PSG3: variants seen among roughly 807,000 people sequenced by gnomAD.
PSG3 encodes pregnancy specific beta-1-glycoprotein 3.
A neutral mutation model predicts 47.5 loss-of-function variants in PSG3; 61 were observed. The observed-to-expected ratio is 1.28, with a 90% CI of 1.05 to 1.59. PSG3 has a LOEUF of 1.59. PSG3 is among the 40% of genes most tolerant of loss of function. The pLI is 0.00. For missense variants in PSG3, 756 were observed against 524.0 expected (o/e 1.44, Z -4.32); for synonymous variants, 263 against 198.4 (o/e 1.33, Z -2.74).
chr19:42,735,232 T>G (rs543772397), intron 2 of PSG3, among the ~76,000 whole-genome samples: 5 of 152,324 alleles, frequency 3.3e-5, no homozygotes, highest in African/African-American at 1.2e-4. Flanking sequence ...TTGTTCCACT[T>G]TTTTTCCCCA....
Position 42,732,777 on chromosome 19 carries a change from T to G in PSG3, c.709+7A>C, listed in dbSNP as rs1466905827. 1.9e-6 allele frequency: 3 copies of G among 1,614,030 alleles called. No individual in the cohort carries two copies. The highest frequency in any genetic ancestry group is 3.3e-5 in the Admixed American group (2 of 59,996). On this transcript the variant is annotated splice_region_variant and intron_variant, in intron 3 of 6. Transcript: ENST00000327495. The stretch of plus-strand genomic sequence containing the variant: ...GACTGGCTCACAGAGGAACAGGAGA[T>G]ACTCACGGAGGAGATTCAGGGTGAC...
Position 42,731,625 on chromosome 19 carries a change from G to C in PSG3, c.709+1159C>G, listed in dbSNP as rs564887795. 3.1e-3 allele frequency among the ~76,000 whole-genome samples: 467 copies of C among 151,940 alleles called. 3 individuals carry two copies. Among genetic ancestry groups the C allele is most frequent in the African/African-American group, 0.011 (453 of 41,376 alleles). ...GCAGTCATTAATAAGAGCCTGTCAG[G>C]TGAGATTTAGGACAGTGTTTTCTAA... On this transcript the variant is annotated intron_variant, in intron 3 of 6. Coordinates refer to ENST00000327495, the MANE Select transcript of PSG3 (RefSeq NM_021016.4).
chr19:42,722,144 A>G (rs1969308972), intron 6 of PSG3, 54 bp from the exon 7 acceptor site: 2 of 405,966 alleles, frequency 4.9e-6, no homozygotes, highest in Admixed American at 4.4e-5. Flanking sequence ...ATGAGAATTT[A>G]TTATGGTAAA....
chr19:42,739,327 ATTT>A (rs1969627259), intron 1 of PSG3: 1 of 706,818 alleles, frequency 1.4e-6, no homozygotes, highest in Admixed American at 3.3e-5. Context: ...TGACCTTGGC[ATTT>A]TTCTGTTTGG....
At chr19:42,727,125 C>G (rs1158056648) in intron 5 of PSG3, among the ~76,000 whole-genome samples, 1 of 152,046 alleles carries the variant, frequency 6.6e-6, no homozygotes, top group Non-Finnish European at 1.5e-5. Flanking sequence ...AAAAAGTAAC[C>G]CACAATAGAT....
At chr19:42,723,863 A>C in intron 6 of PSG3, 79 bp downstream of exon 6, 1 of 1,141,716 alleles carries the variant, frequency 8.8e-7, no homozygotes, top group South Asian at 1.3e-5. Flanking sequence ...TCCCAGATAC[A>C]GGCAAATAAG....
chr19:42,730,997 T>C (rs937931257), intron 3 of PSG3, among the ~76,000 whole-genome samples: 6 of 152,234 alleles, frequency 3.9e-5, no homozygotes, highest in African/African-American at 7.2e-5. Flanking sequence ...TTTTCTTTCA[T>C]TGGACATTCT....
intron 6 of PSG3, among the ~76,000 whole-genome samples, chr19:42,723,601 G>C (rs1460944084): frequency 2.0e-5 from 3 of 152,214 alleles, no homozygotes. Context: ...GCAATACTTT[G>C]AGAAGTGGTT....
rs1173087104 is a variant in PSG3 at position 42,740,475 on chromosome 19, T to G, written c.-91A>C. On this transcript the variant is annotated 5_prime_UTR_variant, in exon 1 of 7. Transcript: ENST00000327495. ...TGGCTCTCAGCTGTGCTGTCCTTCCTCCTTCTGCGCTGAGCCTCTTCCCGG... is the reference window on the plus strand; with the variant it reads ...TGGCTCTCAGCTGTGCTGTCCTTCCGCCTTCTGCGCTGAGCCTCTTCCCGG... The G allele has an allele frequency of 2.1e-5, 33 of 1,609,388 alleles. No individual in the cohort carries two copies. The highest frequency in any genetic ancestry group is 1.3e-5 in the African/African-American group (1 of 74,786).
intron 5 of PSG3, among the ~76,000 whole-genome samples, chr19:42,724,906 G>C (rs1047125063): frequency 6.6e-6 from 1 of 152,016 alleles, no homozygotes; most frequent in Non-Finnish European, 1.5e-5. Flanking sequence ...GGAAGGTACT[G>C]TTGAGGGGCA....
chr19:42,738,046 A>C (rs1003007480), intron 2 of PSG3, among the ~76,000 whole-genome samples: 2 of 152,160 alleles, frequency 1.3e-5, no homozygotes, highest in Non-Finnish European at 2.9e-5. Context: ...GCTTCTGGGG[A>C]CATTAGACTT....
rs756321554 is a variant in PSG3 at position 42,740,375 on chromosome 19, G to A, written c.10C>T (p.Leu4Phe). Residue 4 changes from leucine to phenylalanine, a missense_variant, in exon 1 of 7, where the codon CTC (leucine) becomes TTC (phenylalanine). By Grantham distance (22) the Leu-to-Phe change is conservative. Transcript: ENST00000327495. MGP[L>F]SAPPCTQRIT... is the part of the protein sequence containing the mutation. The stretch of plus-strand genomic sequence containing the variant: ...CGCTGTGTGCAGGGAGGGGCTGAGA[G>A]GGGCCCCATGGTCTCTGCTGCCTGC... 10 of 1,613,908 alleles carry A rather than the reference G, an allele frequency of 6.2e-6. No homozygotes were observed. In the South Asian group the frequency reaches 6.6e-5, roughly 11 times the overall value.
intron 4 of PSG3, among the ~76,000 whole-genome samples, 198 bp downstream of exon 4, chr19:42,729,580 A>G (rs1969435959): frequency 6.6e-6 from 1 of 152,172 alleles, no homozygotes; most frequent in Non-Finnish European, 1.5e-5. Context: ...CTCCCATGAC[A>G]AGAGCGTCCC....
intron 5 of PSG3, among the ~76,000 whole-genome samples, chr19:42,725,032 G>C (rs1295367684): frequency 6.6e-6 from 1 of 152,156 alleles, no homozygotes; most frequent in East Asian, 1.9e-4. Flanking sequence ...CAGAAGCTTA[G>C]AGTGGTGTAA....
intron 5 of PSG3, among the ~76,000 whole-genome samples, chr19:42,725,127 G>T (rs1427770547): frequency 1.3e-5 from 2 of 152,236 alleles, no homozygotes; most frequent in Middle Eastern, 6.8e-3. Context: ...AATGATGATG[G>T]TAGTCATATA....
intron 5 of PSG3, among the ~76,000 whole-genome samples, chr19:42,725,137 A>G (rs1201128098): frequency 6.6e-6 from 1 of 152,220 alleles, no homozygotes; most frequent in Admixed American, 6.5e-5. Context: ...GTAGTCATAT[A>G]GCAGCTGACA....
chr19:42,724,132 A>G, intron 5 of PSG3, 107 bp from the exon 6 acceptor site: 2 of 1,455,066 alleles, frequency 1.4e-6, no homozygotes, highest in South Asian at 1.3e-5. Context: ...TGTTTCTTCA[A>G]GGACTACGTT....
At chr19:42,724,081 G>C in intron 5 of PSG3, 56 bp from the exon 6 acceptor site, 1 of 1,549,832 alleles carries the variant, frequency 6.5e-7, no homozygotes, top group South Asian at 1.1e-5. Context: ...TTACATGGGG[G>C]AGCCTCAGGA....
At chr19:42,722,261 T>A (rs1396689210) in intron 6 of PSG3, among the ~76,000 whole-genome samples, 171 bp from the exon 7 acceptor site, 1 of 152,224 alleles carries the variant, frequency 6.6e-6, no homozygotes, top group African/African-American at 2.4e-5. Context: ...TAAAAAAATT[T>A]TTTTTTTGAG....
Sources: allele counts gnomAD v4.1 joint callset (sites outside exome capture counted in the v4.1 genomes callset), GRCh38; gene constraint gnomAD v4.1.1; transcripts MANE v1.5; gene names NCBI Gene and HGNC (gene_info 2026-07-23, HGNC 2026-07-21).